Variants in DLG2 observed in about 807,000 individuals in gnomAD.
The protein encoded by DLG2 is discs large MAGUK scaffold protein 2.
In DLG2, 45 loss-of-function variants were observed where a neutral mutation model predicts 132.5. That is an observed-to-expected ratio of 0.34 (90% CI 0.27 to 0.44). DLG2 has a LOEUF of 0.44. DLG2 is among the 20% of genes least tolerant of loss of function. The pLI is 1.00. For synonymous variants in DLG2, 424 were observed against 419.6 expected, an observed-to-expected ratio of 1.01 and a Z score of -0.13; for missense variants, 1,045 against 1,196.9, an observed-to-expected ratio of 0.87 and a Z score of 1.87.
At chr11:84,221,109 C>T (rs1023416851) in intron 8 of DLG2, among the ~76,000 whole-genome samples, 3 of 151,610 alleles carry the variant, frequency 2.0e-5, no homozygotes, top group African/African-American at 7.3e-5. Context: ...TGGTCACATG[C>T]ATGAACTTAA....
intron 3 of DLG2, among the ~76,000 whole-genome samples, chr11:85,484,153 G>A (rs568738314): frequency 5.2e-4 from 76 of 147,262 alleles, no homozygotes; most frequent in Non-Finnish European, 9.6e-4. Flanking sequence ...GGTCAGGTCC[G>A]CGCAGTCCGC....
At chr11:85,341,929 G>T (rs897733353) in intron 3 of DLG2, among the ~76,000 whole-genome samples, 1 of 152,096 alleles carries the variant, frequency 6.6e-6, no homozygotes, top group African/African-American at 2.4e-5. Flanking sequence ...ACATACAAAA[G>T]ATACAATAAA....
At chr11:85,194,193 A>C (rs963920183) in intron 4 of DLG2, among the ~76,000 whole-genome samples, 1 of 152,238 alleles carries the variant, frequency 6.6e-6, no homozygotes, top group African/African-American at 2.4e-5. Flanking sequence ...TGAAGACTGC[A>C]AGACTCTCAT....
intron 15 of DLG2, among the ~76,000 whole-genome samples, chr11:83,882,353 T>C (rs189415247): frequency 3.9e-5 from 6 of 152,346 alleles, no homozygotes; most frequent in Admixed American, 1.3e-4. Flanking sequence ...TGTAAGATTG[T>C]ACTAATGATA....
chr11:83,486,275 A>G (rs1329929307), intron 21 of DLG2: 1 of 689,024 alleles, frequency 1.5e-6, no homozygotes, highest in African/African-American at 1.8e-5. Context: ...AAAAAAAATC[A>G]TGTAAGAATT....
chr11:85,288,988 C>T (rs1328613466), intron 3 of DLG2, among the ~76,000 whole-genome samples: 1 of 151,996 alleles, frequency 6.6e-6, no homozygotes, highest in African/African-American at 2.4e-5. Context: ...TTTAGAAAAA[C>T]CCTAGGGACA....
intron 9 of DLG2, among the ~76,000 whole-genome samples, chr11:84,124,847 CTTTTTT>C (rs34177526): frequency 8.3e-6 from 1 of 121,204 alleles, no homozygotes; most frequent in South Asian, 2.6e-4. Context: ...CTTGTTTTCA[CTTTTTT>C]TTTTTTTTTT....
At chr11:83,522,351 G>A (rs184865763) in intron 21 of DLG2, among the ~76,000 whole-genome samples, 10 of 152,230 alleles carry the variant, frequency 6.6e-5, no homozygotes, top group African/African-American at 2.4e-4. Flanking sequence ...AAAGTCTTGG[G>A]ATGGCAGAGG....
At chr11:85,465,122 A>AAAAAAAAAAAG (rs2092740718) in intron 3 of DLG2, among the ~76,000 whole-genome samples, 1 of 123,896 alleles carries the variant, frequency 8.1e-6, no homozygotes, top group Non-Finnish European at 1.7e-5. Context: ...AAAAAAAAGA[A>AAAAAAAAAAAG]GCAAGATGGA....
At chr11:84,791,166 T>A (rs547884310) in intron 6 of DLG2, among the ~76,000 whole-genome samples, 1 of 152,200 alleles carries the variant, frequency 6.6e-6, no homozygotes, top group Admixed American at 6.5e-5. Context: ...TCACTCACTA[T>A]CCGGATAACA....
chr11:83,514,786 A>G (rs1328117794), intron 21 of DLG2, among the ~76,000 whole-genome samples: 1 of 152,132 alleles, frequency 6.6e-6, no homozygotes, highest in Non-Finnish European at 1.5e-5. Flanking sequence ...TATTGAGACA[A>G]TCATGTGGTT....
intron 18 of DLG2, among the ~76,000 whole-genome samples, chr11:83,689,965 T>C (rs1468925426): frequency 7.9e-6 from 1 of 126,458 alleles, no homozygotes; most frequent in Non-Finnish European, 1.7e-5. Flanking sequence ...TTATATAATA[T>C]ATATTTATAT....
At chr11:84,418,595 A>G (rs2098937879) in intron 7 of DLG2, among the ~76,000 whole-genome samples, 1 of 152,156 alleles carries the variant, frequency 6.6e-6, no homozygotes, top group South Asian at 2.1e-4. Context: ...TCTTGTCCAA[A>G]TGGTTTTTGA....
intron 6 of DLG2, among the ~76,000 whole-genome samples, chr11:84,879,416 C>A (rs911233639): frequency 1.3e-5 from 2 of 152,182 alleles, no homozygotes; most frequent in South Asian, 4.1e-4. Context: ...AATGATTTTA[C>A]AAAACTATAG....
chr11:83,926,109 G>GTTTTTTTTTTTTTTTTTTTTTTTTTTT (rs1565666073), intron 15 of DLG2, among the ~76,000 whole-genome samples: 2 of 152,120 alleles, frequency 1.3e-5, no homozygotes, highest in African/African-American at 4.8e-5. Flanking sequence ...CAACTTCTCT[G>GTTTTTTTTTTTTTTTTTTTTTTTTTTT]TTTTCTTTTA....
At chr11:84,309,040 C>A (rs1273969908) in intron 7 of DLG2, among the ~76,000 whole-genome samples, 1 of 152,176 alleles carries the variant, frequency 6.6e-6, no homozygotes, top group Admixed American at 6.5e-5. Flanking sequence ...GGTGCCCAGG[C>A]AGAGGAGGCA....
At chr11:85,174,720 ATAC>A (rs1470730497) in intron 4 of DLG2, among the ~76,000 whole-genome samples, 15 of 152,196 alleles carry the variant, frequency 9.9e-5, no homozygotes, top group African/African-American at 3.4e-4. Context: ...GACACTAGCT[ATAC>A]TAATAAAGAA....
intron 7 of DLG2, among the ~76,000 whole-genome samples, chr11:84,534,080 ATGAAT>A (rs2099349789): frequency 6.6e-6 from 1 of 152,208 alleles, no homozygotes; most frequent in South Asian, 2.1e-4. Flanking sequence ...AAGTATGACA[ATGAAT>A]TGAAATAAAT....
At chr11:83,997,796 C>T (rs972247383) in intron 11 of DLG2, among the ~76,000 whole-genome samples, 6 of 92,372 alleles carry the variant, frequency 6.5e-5, no homozygotes, top group African/African-American at 1.7e-4. Flanking sequence ...CTCATACAAA[C>T]AGGAAACCCA....
Sources: gnomAD v4.1 joint callset for allele counts (sites outside exome capture counted in the v4.1 genomes callset) on GRCh38, gnomAD v4.1.1 for gene constraint, MANE v1.5 for transcripts, NCBI Gene and HGNC (gene_info 2026-07-23, HGNC 2026-07-21) for gene names.